The following MAGI2 variants were observed in gnomAD, a reference collection of about 807,000 sequenced individuals.
MAGI2 encodes membrane-associated guanylate kinase, WW and PDZ domain-containing protein 2.
MAGI2 carries 35 observed loss-of-function variants against 133.3 expected under a neutral mutation model. That is an observed-to-expected ratio of 0.26 (90% CI 0.20 to 0.35). MAGI2 has a LOEUF of 0.35. Among genes scored for constraint, MAGI2 ranks in the 10% least tolerant of loss-of-function variants. The pLI, the probability that MAGI2 is intolerant of heterozygous loss-of-function variation, is 1.00. For missense variants in MAGI2, 1,636 were observed against 1,863.4 expected, an observed-to-expected ratio of 0.88 and a Z score of 2.25; for synonymous variants, 729 against 710.6, an observed-to-expected ratio of 1.03 and a Z score of -0.41.
At position 78,019,216 on chromosome 7, in the gene MAGI2, C is replaced by T. The variant is rs77802301; in HGVS notation, c.*99G>A. ...TCCCAGGCCTTGGTGCCTCGTGGAT[C>T]TATGCGTGTGACAGTGAAAATAAAT... On this transcript the variant is annotated 3_prime_UTR_variant, in exon 22 of 22. Coordinates refer to ENST00000354212, the MANE Select transcript of MAGI2 (RefSeq NM_012301.4). The T allele has an allele frequency of 2.0e-3, 2,745 of 1,375,632 alleles. 45 individuals are homozygous for T. The African/African-American group carries it at 0.036, about 18-fold the overall frequency. The allele number at this position is 1,375,632 out of a possible 1,614,324, so 85.2% of individuals were successfully genotyped here.
chr7:78,727,617 A>G (rs1258721133), intron 2 of MAGI2, among the ~76,000 whole-genome samples: 1 of 152,168 alleles, frequency 6.6e-6, no homozygotes, highest in African/African-American at 2.4e-5. Context: ...CAAATATGGA[A>G]GTCACAACAT....
At chr7:78,279,932 C>T (rs1285748546) in intron 9 of MAGI2, among the ~76,000 whole-genome samples, 4 of 152,118 alleles carry the variant, frequency 2.6e-5, no homozygotes, top group Non-Finnish European at 4.4e-5. Context: ...CACCTGCAGG[C>T]ATCCTCAAAC....
At chr7:78,909,831 CA>C (rs1325635778) in intron 2 of MAGI2, among the ~76,000 whole-genome samples, 10 of 152,214 alleles carry the variant, frequency 6.6e-5, no homozygotes, top group Admixed American at 4.6e-4. Flanking sequence ...AAGACACATG[CA>C]CACGTATGTT....
intron 3 of MAGI2, among the ~76,000 whole-genome samples, chr7:78,554,410 C>G (rs888573072): frequency 2.0e-5 from 3 of 152,164 alleles, no homozygotes; most frequent in Admixed American, 6.5e-5. Flanking sequence ...TCTCCTCATT[C>G]TGTCAGTCAC....
intron 2 of MAGI2, among the ~76,000 whole-genome samples, chr7:78,967,718 G>T (rs1418711944): frequency 1.3e-5 from 2 of 151,834 alleles, no homozygotes; most frequent in Non-Finnish European, 2.9e-5. Context: ...CTTCCCCTTT[G>T]TGTATTCTTG....
intron 10 of MAGI2, among the ~76,000 whole-genome samples, chr7:78,247,947 T>C (rs1212152671): frequency 6.6e-6 from 1 of 152,142 alleles, no homozygotes; most frequent in Non-Finnish European, 1.5e-5. Flanking sequence ...TTGGAAGAGA[T>C]AAAAACATCC....
chr7:78,503,610 CT>C (rs1344787764), intron 4 of MAGI2, among the ~76,000 whole-genome samples: 1 of 110,630 alleles, frequency 9.0e-6, no homozygotes, highest in Non-Finnish European at 1.9e-5. Flanking sequence ...CCTTCTCCCC[CT>C]CCTTCCCCTC....
chr7:79,212,325 T>C lies in MAGI2; in HGVS notation c.302-205119A>G, dbSNP rs569450327. On this transcript the variant is annotated intron_variant, in intron 1 of 21. Transcript: ENST00000354212. ...AATCTTCAACAGATATTTTGGCTCA[T>C]CTATTTTTTGCCAGCATGATTTCAG... 2.6e-5 allele frequency among the ~76,000 whole-genome samples: 4 copies of C among 152,184 alleles called. No individual in the cohort carries two copies. In the East Asian group the frequency reaches 5.8e-4, roughly 22 times the overall value.
chr7:79,100,662 T>C lies in MAGI2; in HGVS notation c.302-93456A>G, dbSNP rs1584929518. On this transcript the variant is annotated intron_variant, in intron 1 of 21. Transcript: ENST00000354212. Reference sequence around the variant, plus strand: ...AGTTAAAATTTTTTAAAAAATTATGTATATTATATTATTTGTAAGTTTACT... The same window carrying C: ...AGTTAAAATTTTTTAAAAAATTATGCATATTATATTATTTGTAAGTTTACT... 3.3e-5 allele frequency among the ~76,000 whole-genome samples: 5 copies of C among 151,758 alleles called. No homozygotes were observed. The South Asian group carries it at 1.0e-3, about 31-fold the overall frequency.
chr7:78,291,732 C>G (rs1435165207), intron 9 of MAGI2, among the ~76,000 whole-genome samples: 1 of 152,176 alleles, frequency 6.6e-6, no homozygotes, highest in East Asian at 1.9e-4. Flanking sequence ...AGCTTCTCCA[C>G]CATGATCAAG....
intron 1 of MAGI2, among the ~76,000 whole-genome samples, chr7:79,200,696 T>C (rs1200625686): frequency 1.3e-5 from 2 of 151,762 alleles, no homozygotes; most frequent in South Asian, 2.1e-4. Flanking sequence ...CATTGTTCCA[T>C]TGAGAATATG....
At chr7:78,439,207 G>A (rs11974883) in intron 6 of MAGI2, among the ~76,000 whole-genome samples, 140,008 of 152,248 alleles carry the variant, frequency 0.92, 64,911 homozygotes, top group East Asian at 0.99. Flanking sequence ...TCATAATTTC[G>A]GAAGCTGAAG....
At chr7:79,217,537 C>G (rs1830114091) in intron 1 of MAGI2, among the ~76,000 whole-genome samples, 1 of 151,888 alleles carries the variant, frequency 6.6e-6, no homozygotes, top group Admixed American at 6.6e-5. Context: ...GATGAAGAAA[C>G]AGGTGTCAAG....
At chr7:78,922,016 G>T (rs1799267740) in intron 2 of MAGI2, among the ~76,000 whole-genome samples, 1 of 151,968 alleles carries the variant, frequency 6.6e-6, no homozygotes, top group Admixed American at 6.6e-5. Context: ...CTTTGGCCAT[G>T]AAGAAATATG....
At chr7:78,563,585 C>G (rs543690962) in intron 3 of MAGI2, among the ~76,000 whole-genome samples, 11 of 152,198 alleles carry the variant, frequency 7.2e-5, no homozygotes, top group Non-Finnish European at 1.5e-5. Flanking sequence ...CATATGACCC[C>G]AGTCATCCAC....
At position 78,483,850 on chromosome 7, in the gene MAGI2, A is replaced by C. The variant is rs115075830; in HGVS notation, c.1045+5911T>G. Among the ~76,000 whole-genome samples, 246 of 152,116 alleles carry C rather than the reference A, an allele frequency of 1.6e-3. 1 individual carries two copies. Among genetic ancestry groups the C allele is most frequent in the African/African-American group, 5.6e-3 (232 of 41,552 alleles). ...ACATATATGAAATATCAGTACAAAA[A>C]CAAAATCAATTTTTGAAGTTTTAGT... On this transcript the variant is annotated intron_variant, in intron 6 of 21. Coordinates refer to ENST00000354212, the MANE Select transcript of MAGI2 (RefSeq NM_012301.4).
chr7:79,254,341 T>G (rs1833537580), intron 1 of MAGI2, among the ~76,000 whole-genome samples: 1 of 152,248 alleles, frequency 6.6e-6, no homozygotes, highest in Admixed American at 6.5e-5. Flanking sequence ...TATGGCATTT[T>G]CAACTCCATA....
chr7:79,347,690 A>T (rs1477457330), intron 1 of MAGI2, among the ~76,000 whole-genome samples: 1 of 151,902 alleles, frequency 6.6e-6, no homozygotes, highest in African/African-American at 2.4e-5. Flanking sequence ...CATACTAAGA[A>T]GATTCCTTAC....
At chr7:78,366,376 A>G (rs1194533145) in intron 7 of MAGI2, among the ~76,000 whole-genome samples, 1 of 152,126 alleles carries the variant, frequency 6.6e-6, no homozygotes, top group Non-Finnish European at 1.5e-5. Flanking sequence ...TAGACTAGAC[A>G]TTTACTAATC....
Sources: allele counts gnomAD v4.1 joint callset (sites outside exome capture counted in the v4.1 genomes callset), GRCh38; gene constraint gnomAD v4.1.1; transcripts MANE v1.5; gene names NCBI Gene and HGNC (gene_info 2026-07-23, HGNC 2026-07-21).